Variants in PCDH9 observed in about 807,000 individuals in gnomAD.
PCDH9 encodes the protein protocadherin-9.
In PCDH9, 24 loss-of-function variants were observed where a neutral mutation model predicts 70.6. The ratio of observed to expected loss-of-function variants is 0.34; its 90% CI spans 0.25 to 0.48. The LOEUF (loss-of-function observed/expected upper bound fraction) is 0.48. Among genes scored for constraint, PCDH9 ranks in the 20% least tolerant of loss-of-function variants. The probability of loss-of-function intolerance (pLI) is 0.99; values close to 1 mark genes in which losing one functional copy is unlikely to be tolerated. For missense variants in PCDH9, 1,281 were observed against 1,503.6 expected (o/e 0.85, Z 2.45); for synonymous variants, 562 against 558.5 (o/e 1.01, Z -0.09).
rs771880911 is a variant in PCDH9, at chr13:66,344,135, GT to G, written c.3341-39108del. Among the ~76,000 whole-genome samples the G allele has an allele frequency of 1.8e-4, 27 of 151,924 alleles. No individual in the cohort carries two copies. The South Asian group carries it at 4.6e-3, about 26-fold the overall frequency. ...TACTAATGAAAAAGAAAGTTTTGGG[GT>G]TTTTTTTGTTTTTGTTTGTTTTTGA... On this transcript the variant is annotated intron_variant, in intron 4 of 4. Coordinates refer to ENST00000377865, the MANE Select transcript of PCDH9 (RefSeq NM_203487.3).
At chr13:66,623,649 A>G (rs1031537236) in intron 4 of PCDH9, among the ~76,000 whole-genome samples, 3 of 152,162 alleles carry the variant, frequency 2.0e-5, no homozygotes, top group African/African-American at 7.2e-5. Context: ...TATGTTGCTC[A>G]GCCTGGTCTC....
intron 2 of PCDH9, among the ~76,000 whole-genome samples, chr13:67,110,872 C>A (rs536091298): frequency 1.3e-5 from 2 of 152,220 alleles, no homozygotes; most frequent in African/African-American, 4.8e-5. Context: ...ATCCTGTTAC[C>A]CTGTTTCGTG....
intron 3 of PCDH9, among the ~76,000 whole-genome samples, chr13:66,743,490 A>G (rs1228221992): frequency 8.0e-6 from 1 of 124,850 alleles, no homozygotes; most frequent in Non-Finnish European, 1.8e-5. Context: ...AACTTAAAGT[A>G]TAATAAAAAA....
At chr13:66,640,949 C>G (rs1461200322) in intron 3 of PCDH9, among the ~76,000 whole-genome samples, 1 of 152,014 alleles carries the variant, frequency 6.6e-6, no homozygotes, top group Non-Finnish European at 1.5e-5. Context: ...AATCTCGGCT[C>G]ACTGCAACCT....
At chr13:66,508,639 A>C (rs1271502049) in intron 4 of PCDH9, among the ~76,000 whole-genome samples, 2 of 152,120 alleles carry the variant, frequency 1.3e-5, no homozygotes, top group Non-Finnish European at 2.9e-5. Flanking sequence ...TATCCAAGGA[A>C]TCTTAGTACC....
rs754836753 is a variant in PCDH9, at chr13:67,228,490, A to G, written c.-50T>C. 2.7e-6 allele frequency: 4 copies of G among 1,464,426 alleles called. No individual in the cohort carries two copies. The highest frequency in any genetic ancestry group is 3.7e-6 in the Non-Finnish European group (4 of 1,089,708). 90.7% of individuals were successfully genotyped at this position (1,464,426 alleles called of 1,614,324 possible). On this transcript the variant is annotated 5_prime_UTR_variant, in exon 2 of 5. Coordinates refer to ENST00000377865, the MANE Select transcript of PCDH9 (RefSeq NM_203487.3). ...TGGATTTTAGGGTTTAAAGGTTTCC[A>G]CTGAGGAATGATGCACAAATTGCAA...
At position 66,713,621 on chromosome 13, in the gene PCDH9, G is replaced by GTCTATATATATATATA. The variant is rs1415001060; in HGVS notation, c.3139-82211_3139-82210insTATATATATATATAGA. The stretch of plus-strand genomic sequence containing the variant: ...GTGTATATATATATAAAGTGTGTGT[G>GTCTATATATATATATA]TGTGTATATATATATATATATATAT... On this transcript the variant is annotated intron_variant, in intron 3 of 4. Transcript: ENST00000377865. Among the ~76,000 whole-genome samples the GTCTATATATATATATA allele has an allele frequency of 4.7e-4, 8 of 16,918 alleles. No homozygotes were observed. In the South Asian group the frequency reaches 0.025, roughly 53 times the overall value. 11.1% of individuals were successfully genotyped at this position (16,918 alleles called of 152,430 possible). A position where few individuals can be genotyped will look rare whatever the true frequency, so the allele number is the denominator to read the frequency against.
chr13:66,908,521 TAAGAA>T (rs2082402114), intron 2 of PCDH9, among the ~76,000 whole-genome samples: 1 of 152,194 alleles, frequency 6.6e-6, no homozygotes, highest in Admixed American at 6.5e-5. Flanking sequence ...ATTCATAAGA[TAAGAA>T]AAGATCTCTT....
chr13:66,855,093 G>A (rs968997333), intron 3 of PCDH9, among the ~76,000 whole-genome samples: 6 of 152,014 alleles, frequency 3.9e-5, no homozygotes, highest in African/African-American at 1.2e-4. Flanking sequence ...CCCCTTTCTT[G>A]TACTTCATAA....
At chr13:66,698,776 G>T (rs886761464) in intron 3 of PCDH9, among the ~76,000 whole-genome samples, 25 of 151,862 alleles carry the variant, frequency 1.6e-4, no homozygotes, top group African/African-American at 5.8e-4. Context: ...GAGATGGGGG[G>T]CTCACAATCT....
intron 2 of PCDH9, among the ~76,000 whole-genome samples, chr13:67,168,817 A>G (rs1429106542): frequency 6.6e-6 from 1 of 152,228 alleles, no homozygotes; most frequent in South Asian, 2.1e-4. Flanking sequence ...TTTAATGGTC[A>G]TTTAAAATGT....
chr13:66,774,020 C>T (rs1379769683), intron 3 of PCDH9, among the ~76,000 whole-genome samples: 1 of 152,112 alleles, frequency 6.6e-6, no homozygotes, highest in Admixed American at 6.5e-5. Context: ...TCAGGTTATC[C>T]ACCTGCCTCA....
intron 4 of PCDH9, among the ~76,000 whole-genome samples, chr13:66,529,172 T>A (rs1960335955): frequency 6.6e-6 from 1 of 152,088 alleles, no homozygotes; most frequent in East Asian, 1.9e-4. Context: ...TAAAGGCCTC[T>A]GGGAAATATA....
chr13:66,848,079 A>G (rs928615663), intron 3 of PCDH9, among the ~76,000 whole-genome samples: 31 of 152,152 alleles, frequency 2.0e-4, no homozygotes, highest in African/African-American at 6.8e-4. Context: ...AGAAACACCA[A>G]TCTCCTGTAT....
At chr13:66,796,875 G>A (rs1418891056) in intron 3 of PCDH9, among the ~76,000 whole-genome samples, 2 of 152,032 alleles carry the variant, frequency 1.3e-5, no homozygotes, top group Non-Finnish European at 2.9e-5. Context: ...GAAATGCTAG[G>A]CAAGATTATA....
intron 3 of PCDH9, among the ~76,000 whole-genome samples, chr13:66,725,421 T>C (rs906526720): frequency 5.3e-5 from 8 of 152,144 alleles, no homozygotes; most frequent in Admixed American, 2.6e-4. Flanking sequence ...TTGGCACTTA[T>C]TTTCTTCCCT....
rs1245708418 is a variant in PCDH9, at chr13:66,853,552, C to G, written c.3138+49952G>C. On this transcript the variant is annotated intron_variant, in intron 3 of 4. Coordinates refer to ENST00000377865, the MANE Select transcript of PCDH9 (RefSeq NM_203487.3). ...CTTTCAACTAGGAACTGTGTTTTCTCAAGGAAACATTGTTGTAGAAGGTGG... is the reference window on the plus strand; with the variant it reads ...CTTTCAACTAGGAACTGTGTTTTCTGAAGGAAACATTGTTGTAGAAGGTGG... Among the ~76,000 whole-genome samples, 3 of 152,216 alleles carry G rather than the reference C, an allele frequency of 2.0e-5. No individual in the cohort carries two copies. The East Asian group carries it at 5.8e-4, about 29-fold the overall frequency.
At chr13:66,622,936 G>GACCAC (rs1231065551) in intron 4 of PCDH9, among the ~76,000 whole-genome samples, 5 of 152,280 alleles carry the variant, frequency 3.3e-5, no homozygotes, top group African/African-American at 1.2e-4. Context: ...AAGCCAGCGA[G>GACCAC]ACCACGAACG....
At chr13:66,752,262 T>TA (rs1371731189) in intron 3 of PCDH9, among the ~76,000 whole-genome samples, 1 of 152,238 alleles carries the variant, frequency 6.6e-6, no homozygotes, top group Admixed American at 6.5e-5. Flanking sequence ...TTCAAATTTA[T>TA]AAAAAGGCTT....
Sources: allele counts gnomAD v4.1 joint callset (sites outside exome capture counted in the v4.1 genomes callset), GRCh38; gene constraint gnomAD v4.1.1; transcripts MANE v1.5; gene names NCBI Gene and HGNC (gene_info 2026-07-23, HGNC 2026-07-21).